BTBD9: variants seen among roughly 807,000 people sequenced by gnomAD.
BTBD9 encodes BTB domain containing 9, also known as BTB/POZ domain-containing protein 9.
BTBD9 carries 49 observed loss-of-function variants against 64.3 expected under a neutral mutation model. The ratio of observed to expected loss-of-function variants is 0.76; its 90% CI spans 0.61 to 0.97. The LOEUF is 0.97. Ranked by LOEUF, BTBD9 falls within the 50% of genes least tolerant of loss-of-function variation. The pLI, the probability that BTBD9 is intolerant of heterozygous loss-of-function variation, is 0.00. For synonymous variants in BTBD9, 260 were observed against 274.7 expected, an observed-to-expected ratio of 0.95 and a Z score of 0.53; for missense variants, 598 against 762.1, an observed-to-expected ratio of 0.78 and a Z score of 2.53.
At chr6:38,296,227 T>C (rs977382904) in intron 7 of BTBD9, among the ~76,000 whole-genome samples, 1 of 152,170 alleles carries the variant, frequency 6.6e-6, no homozygotes, top group South Asian at 2.1e-4. Context: ...TTGTCATATA[T>C]TCTTGGCCCT....
At chr6:38,363,474 G>A (rs1336330100) in intron 6 of BTBD9, among the ~76,000 whole-genome samples, 1 of 152,216 alleles carries the variant, frequency 6.6e-6, no homozygotes, top group Non-Finnish European at 1.5e-5. Flanking sequence ...AGATACTCTG[G>A]AGGCTGGGGC....
intron 6 of BTBD9, chr6:38,504,711 T>G (rs1307693319): frequency 1.3e-5 from 5 of 395,950 alleles, no homozygotes; most frequent in Non-Finnish European, 2.0e-5. Flanking sequence ...TGTGTAAGGA[T>G]GAACACAGAG....
chr6:38,183,468 G>A (rs566348987), intron 10 of BTBD9, among the ~76,000 whole-genome samples: 11 of 152,206 alleles, frequency 7.2e-5, no homozygotes, highest in African/African-American at 2.6e-4. Context: ...CCAGTGCCGA[G>A]GCCCCCTCCC....
chr6:38,508,230 T>C (rs1038780162), intron 6 of BTBD9, among the ~76,000 whole-genome samples: 1 of 152,140 alleles, frequency 6.6e-6, no homozygotes, highest in Non-Finnish European at 1.5e-5. Context: ...TTTTTGCCAC[T>C]ACCAACTCAA....
chr6:38,440,959 CTGT>C (rs1220352734), intron 6 of BTBD9, among the ~76,000 whole-genome samples: 8 of 152,110 alleles, frequency 5.3e-5, no homozygotes, highest in Non-Finnish European at 1.5e-5. Context: ...TATACTTTTC[CTGT>C]AGGAAAACAT....
intron 9 of BTBD9, among the ~76,000 whole-genome samples, chr6:38,197,912 T>C (rs1263588892): frequency 6.6e-6 from 1 of 152,196 alleles, no homozygotes; most frequent in Non-Finnish European, 1.5e-5. Context: ...TCTGGAAGGA[T>C]AGATGCTAAA....
chr6:38,280,912 G>A (rs184148804), intron 8 of BTBD9, among the ~76,000 whole-genome samples: 4 of 152,294 alleles, frequency 2.6e-5, no homozygotes, highest in Non-Finnish European at 4.4e-5. Context: ...TGTTTATTGA[G>A]TACTCACAGC....
intron 4 of BTBD9, among the ~76,000 whole-genome samples, chr6:38,585,028 T>A (rs921504726): frequency 6.6e-6 from 1 of 151,742 alleles, no homozygotes; most frequent in Non-Finnish European, 1.5e-5. Context: ...ATCACAGAGC[T>A]GAAAGGGACC....
At chr6:38,531,415 C>T (rs1219180289) in intron 6 of BTBD9, among the ~76,000 whole-genome samples, 2 of 152,154 alleles carry the variant, frequency 1.3e-5, no homozygotes, top group Admixed American at 6.5e-5. Flanking sequence ...TTCATCAACA[C>T]CAGACATTTC....
At chr6:38,386,129 G>A (rs1017413367) in intron 6 of BTBD9, among the ~76,000 whole-genome samples, 1 of 151,864 alleles carries the variant, frequency 6.6e-6, no homozygotes, top group African/African-American at 2.4e-5. Flanking sequence ...AATATTATTC[G>A]GTGAGAATAT....
chr6:38,240,911 T>G (rs1368162622), intron 9 of BTBD9, among the ~76,000 whole-genome samples: 1 of 152,184 alleles, frequency 6.6e-6, no homozygotes, highest in Admixed American at 6.5e-5. Context: ...TCAGTGGTGC[T>G]CCGAGAACAC....
At chr6:38,486,139 C>T (rs1289852083) in intron 6 of BTBD9, among the ~76,000 whole-genome samples, 2 of 152,236 alleles carry the variant, frequency 1.3e-5, no homozygotes, top group East Asian at 3.8e-4. Context: ...CCGCACCTCT[C>T]TCAGCCTTCA....
rs551649441 is a variant in BTBD9 at position 38,200,756 on chromosome 6, A to G, written c.1563-8159T>C. Among the ~76,000 whole-genome samples, 4 of 152,348 alleles carry G rather than the reference A, an allele frequency of 2.6e-5. No individual in the cohort carries two copies. The East Asian group carries it at 5.8e-4, about 22-fold the overall frequency. On this transcript the variant is annotated intron_variant, in intron 9 of 10. Transcript: ENST00000481247. Reference sequence around the variant, plus strand: ...GAACAGATCAATAATGAGTAGTGAAATGGAATCCATAACAAAAAGTCTCCC... The same window carrying G: ...GAACAGATCAATAATGAGTAGTGAAGTGGAATCCATAACAAAAAGTCTCCC...
At chr6:38,530,973 C>T (rs1773775774) in intron 6 of BTBD9, among the ~76,000 whole-genome samples, 1 of 152,086 alleles carries the variant, frequency 6.6e-6, no homozygotes, top group Non-Finnish European at 1.5e-5. Context: ...GAATGAAGCA[C>T]ACCTACAAGA....
chr6:38,488,247 TAA>T (rs1407677531), intron 6 of BTBD9, among the ~76,000 whole-genome samples: 1 of 152,078 alleles, frequency 6.6e-6, no homozygotes, highest in African/African-American at 2.4e-5. Flanking sequence ...CCTACAGGTT[TAA>T]GTGTCCAAGG....
chr6:38,487,259 A>G (rs1023617518), intron 6 of BTBD9, among the ~76,000 whole-genome samples: 2 of 152,122 alleles, frequency 1.3e-5, no homozygotes, highest in African/African-American at 4.8e-5. Context: ...CTGAAGGATT[A>G]TTTTATTTAT....
chr6:38,249,489 C>G (rs929080609), intron 9 of BTBD9, among the ~76,000 whole-genome samples: 2 of 151,992 alleles, frequency 1.3e-5, no homozygotes, highest in Non-Finnish European at 2.9e-5. Context: ...TGGTCTTGAA[C>G]TCCTGGCCTC....
chr6:38,580,662 G>A (rs911854426), intron 4 of BTBD9, among the ~76,000 whole-genome samples: 8 of 152,046 alleles, frequency 5.3e-5, no homozygotes, highest in Non-Finnish European at 7.4e-5. Flanking sequence ...TTGGGAGGCC[G>A]AGGCAGGTGG....
chr6:38,390,902 T>C (rs190610055), intron 6 of BTBD9, among the ~76,000 whole-genome samples: 134 of 152,352 alleles, frequency 8.8e-4, no homozygotes, highest in African/African-American at 3.0e-3. Context: ...ATTGCACTGG[T>C]CTGTGAAATC....
Sources: gnomAD v4.1 joint callset for allele counts (sites outside exome capture counted in the v4.1 genomes callset) on GRCh38, gnomAD v4.1.1 for gene constraint, MANE v1.5 for transcripts, NCBI Gene and HGNC (gene_info 2026-07-23, HGNC 2026-07-21) for gene names.